Variants in TMCO6 observed in about 807,000 individuals in gnomAD.
The protein encoded by TMCO6 is transmembrane and coiled-coil domains 6.
TMCO6 carries 47 observed loss-of-function variants against 61.8 expected under a neutral mutation model. That is an observed-to-expected ratio of 0.76 (90% CI 0.60 to 0.97). The LOEUF (loss-of-function observed/expected upper bound fraction) is 0.97. TMCO6 is among the 50% of genes least tolerant of loss of function. The pLI is 0.00. For synonymous variants in TMCO6, 261 were observed against 254.2 expected, an observed-to-expected ratio of 1.03 and a Z score of -0.25; for missense variants, 557 against 601.6, an observed-to-expected ratio of 0.93 and a Z score of 0.78.
downstream of TMCO6, chr5:140,647,327 T>C: frequency 6.2e-7 from 1 of 1,603,080 alleles, no homozygotes; most frequent in South Asian, 1.1e-5. Flanking sequence ...GGGATTCGCC[T>C]TCTTCAGCTC....
chr5:140,642,266 G>C (rs2149793555), intron 4 of TMCO6, 49 bp from the exon 5 acceptor site: 1 of 1,532,964 alleles, frequency 6.5e-7, no homozygotes, highest in South Asian at 1.2e-5. Flanking sequence ...CCCACACGCA[G>C]CCTGGCATGA....
chr5:140,625,477 C>T, the TMCO6 span, among the ~76,000 whole-genome samples: 1 of 152,214 alleles, frequency 6.6e-6, no homozygotes, highest in Non-Finnish European at 1.5e-5. Flanking sequence ...CTCACTCTCT[C>T]ACCTCCCTTA....
the TMCO6 span, among the ~76,000 whole-genome samples, chr5:140,606,587 A>G: frequency 6.6e-6 from 1 of 152,200 alleles, no homozygotes; most frequent in Non-Finnish European, 1.5e-5. Context: ...AAACTTGAAC[A>G]GTATAAACAA....
At chr5:140,613,843 G>T in the TMCO6 span, among the ~76,000 whole-genome samples, 2 of 151,652 alleles carry the variant, frequency 1.3e-5, no homozygotes, top group African/African-American at 2.4e-5. Context: ...AAAGCACAGG[G>T]ATTACAGGCA....
At chr5:140,633,826 G>C in the TMCO6 span, 1 of 122,338 alleles carries the variant, frequency 8.2e-6, no homozygotes, top group Admixed American at 1.1e-4. Flanking sequence ...GTCTTGCTCT[G>C]TTGCTCAGGC....
At chr5:140,598,560 A>G in the TMCO6 span, among the ~76,000 whole-genome samples, 2 of 152,232 alleles carry the variant, frequency 1.3e-5, no homozygotes, top group Admixed American at 6.5e-5. Flanking sequence ...AAATTAGTAC[A>G]GTATCTTTTG....
chr5:140,646,831 C>T (rs1581475260), downstream of TMCO6, among the ~76,000 whole-genome samples: 1 of 152,278 alleles, frequency 6.6e-6, no homozygotes, highest in Non-Finnish European at 1.5e-5. Context: ...AAGAAGAACA[C>T]GCTTCCTCCT....
chr5:140,624,997 G>A, the TMCO6 span, among the ~76,000 whole-genome samples: 1 of 151,758 alleles, frequency 6.6e-6, no homozygotes, highest in Non-Finnish European at 1.5e-5. Context: ...GGGATTACAG[G>A]CGCTTGGCAC....
the TMCO6 span, among the ~76,000 whole-genome samples, chr5:140,620,612 T>G: frequency 6.6e-6 from 1 of 152,188 alleles, no homozygotes; most frequent in Non-Finnish European, 1.5e-5. Flanking sequence ...TGAGGGAGGC[T>G]ATGCATGTGT....
At chr5:140,604,003 T>C in the TMCO6 span, among the ~76,000 whole-genome samples, 1 of 152,220 alleles carries the variant, frequency 6.6e-6, no homozygotes, top group Admixed American at 6.5e-5. Context: ...CCAACACTTG[T>C]TATTTTATTT....
chr5:140,647,508 G>C (rs1279926877), downstream of TMCO6: 2 of 1,612,480 alleles, frequency 1.2e-6, no homozygotes, highest in South Asian at 2.2e-5. Flanking sequence ...CCGGGCGAGC[G>C]CTGACATAAG....
upstream of TMCO6, chr5:140,639,391 C>A: frequency 1.2e-6 from 1 of 868,116 alleles, no homozygotes; most frequent in Non-Finnish European, 1.8e-6. Flanking sequence ...CCGCCCTCAC[C>A]CAGCACCCAC....
chr5:140,646,494 C>A (rs907453540), downstream of TMCO6, among the ~76,000 whole-genome samples: 5 of 152,064 alleles, frequency 3.3e-5, no homozygotes, highest in Admixed American at 3.3e-4. Flanking sequence ...ACTCTGAGAA[C>A]CAATCTGCTT....
chr5:140,625,817 G>A, the TMCO6 span, among the ~76,000 whole-genome samples: 4 of 152,196 alleles, frequency 2.6e-5, no homozygotes, highest in African/African-American at 9.6e-5. Context: ...AGAACAAGAG[G>A]CAAAGGAAAG....
At position 140,645,389 on chromosome 5, in the gene TMCO6, T is replaced by C; in HGVS notation, c.*291T>C. The C allele has an allele frequency of 4.9e-6, 4 of 812,168 alleles. No homozygotes were observed. The highest frequency in any genetic ancestry group is 8.2e-6 in the Non-Finnish European group (4 of 487,772). The allele number at this position is 812,168 out of a possible 1,614,324, so 50.3% of individuals were successfully genotyped here. On this transcript the variant is annotated 3_prime_UTR_variant, in exon 12 of 12. Coordinates refer to ENST00000394671, the MANE Select transcript of TMCO6 (RefSeq NM_018502.5). Reference sequence around the variant, plus strand: ...AGCTTTTGATGAGACAGAATAAAGTTTTATTTTTATATTAAGCTACTTTGC... The same window carrying C: ...AGCTTTTGATGAGACAGAATAAAGTCTTATTTTTATATTAAGCTACTTTGC...
the TMCO6 span, among the ~76,000 whole-genome samples, chr5:140,630,245 G>T: frequency 6.6e-6 from 1 of 151,870 alleles, no homozygotes; most frequent in African/African-American, 2.4e-5. Context: ...GCCCACCTCA[G>T]CCTCCCAAAG....
chr5:140,624,673 C>T, the TMCO6 span, among the ~76,000 whole-genome samples: 4 of 151,852 alleles, frequency 2.6e-5, no homozygotes, highest in African/African-American at 9.7e-5. Context: ...CCTCAGCCTC[C>T]CGAGTAGCTG....
At chr5:140,606,283 G>A in the TMCO6 span, among the ~76,000 whole-genome samples, 5 of 151,214 alleles carry the variant, frequency 3.3e-5, no homozygotes, top group East Asian at 1.9e-4. Flanking sequence ...CAAGTAGTTA[G>A]GACCACAGAT....
Position 140,644,653 on chromosome 5 carries a change from CT to C in TMCO6, c.1283del (p.Leu428CysfsTer5). On this transcript the variant is annotated frameshift_variant, in exon 11 of 12. Coordinates refer to ENST00000394671, the MANE Select transcript of TMCO6 (RefSeq NM_018502.5). LOFTEE classifies it high-confidence loss of function. ...RLWPGPLLPALLHTLAFSDTE... is the reference protein window; with the variant it reads ...RLWPGPLLPAXLHTLAFSDTE... ...TGTGGCCAGGGCCCCTGCTTCCCGCCTTGCTGCACACACTAGCCTTTTCTGA... is the reference window on the plus strand; with the variant it reads ...TGTGGCCAGGGCCCCTGCTTCCCGCCTGCTGCACACACTAGCCTTTTCTGA... 1 of 1,614,250 alleles carries C rather than the reference CT, an allele frequency of 6.2e-7. No individual in the cohort carries two copies. Among genetic ancestry groups the C allele is most frequent in the South Asian group, 1.1e-5 (1 of 91,086 alleles).
Sources: allele counts gnomAD v4.1 joint callset (sites outside exome capture counted in the v4.1 genomes callset), GRCh38; gene constraint gnomAD v4.1.1; transcripts MANE v1.5; gene names NCBI Gene and HGNC (gene_info 2026-07-23, HGNC 2026-07-21).